The following SLC1A1 variants were observed in gnomAD, a reference collection of about 807,000 sequenced individuals.
SLC1A1 encodes the protein solute carrier family 1 member 1.
A neutral mutation model predicts 53.3 loss-of-function variants in SLC1A1; 43 were observed. That is an observed-to-expected ratio of 0.81 (90% confidence interval 0.63 to 1.04). SLC1A1 has a LOEUF of 1.04. Ranked by LOEUF, SLC1A1 falls within the 50% of genes least tolerant of loss-of-function variation. The probability of loss-of-function intolerance (pLI) is 0.00; values close to 1 mark genes in which losing one functional copy is unlikely to be tolerated. For synonymous variants in SLC1A1, 307 were observed against 243.2 expected (o/e 1.26, Z -2.44); for missense variants, 748 against 664.9 (o/e 1.12, Z -1.37).
chr9:4,539,155 G>C (rs560064749), intron 1 of SLC1A1, among the ~76,000 whole-genome samples: 1 of 152,072 alleles, frequency 6.6e-6, no homozygotes. Flanking sequence ...CCCAAAAGAA[G>C]AACAATGCTG....
intron 1 of SLC1A1, among the ~76,000 whole-genome samples, chr9:4,540,487 T>C (rs1816910840): frequency 6.6e-6 from 1 of 152,154 alleles, no homozygotes; most frequent in South Asian, 2.1e-4. Flanking sequence ...CGTCCGTGGA[T>C]GGCAAAAGCT....
rs187273289 is a variant in SLC1A1 at position 4,528,310 on chromosome 9, T to C, written c.92-16257T>C. Among the ~76,000 whole-genome samples, 169 of 152,286 alleles carry C rather than the reference T, an allele frequency of 1.1e-3. 4 individuals carry two copies. Among genetic ancestry groups the C allele is most frequent in the East Asian group, 6.4e-3 (33 of 5,150 alleles). On this transcript the variant is annotated intron_variant, in intron 1 of 11. Transcript: ENST00000262352. ...GTTAGGAGGTGGGCACAGTGGCTCA[T>C]GCCTGTAATCCCAGCACTTTGGGAG...
intron 1 of SLC1A1, among the ~76,000 whole-genome samples, chr9:4,499,106 A>T (rs1365083307): frequency 6.8e-6 from 1 of 147,864 alleles, no homozygotes; most frequent in Non-Finnish European, 1.5e-5. Flanking sequence ...GTGCAGTGGC[A>T]CGATCTTGGC....
At chr9:4,576,864 C>T (rs1265129391) in intron 10 of SLC1A1, 101 bp downstream of exon 10, 2 of 1,061,236 alleles carry the variant, frequency 1.9e-6, no homozygotes, top group East Asian at 2.4e-5. Flanking sequence ...GTGATGAATT[C>T]TTTTTCTTGA....
chr9:4,564,804 A>G (rs918451602), intron 4 of SLC1A1, among the ~76,000 whole-genome samples: 2 of 152,236 alleles, frequency 1.3e-5, no homozygotes, highest in African/African-American at 4.8e-5. Context: ...TCTTATCTAA[A>G]GCAACCAGAG....
chr9:4,531,668 C>T (rs1223630664), intron 1 of SLC1A1, among the ~76,000 whole-genome samples: 2 of 152,170 alleles, frequency 1.3e-5, no homozygotes, highest in African/African-American at 2.4e-5. Context: ...GAATCCTCTG[C>T]AGACTTAAAT....
chr9:4,563,154 A>G (rs1819137577), intron 3 of SLC1A1, among the ~76,000 whole-genome samples: 1 of 151,784 alleles, frequency 6.6e-6, no homozygotes, highest in African/African-American at 2.4e-5. Context: ...GAGAAAAAAA[A>G]AAAAGAAGAA....
intron 10 of SLC1A1, among the ~76,000 whole-genome samples, chr9:4,582,083 TGTAGG>T (rs1821149889): frequency 6.6e-6 from 1 of 152,236 alleles, no homozygotes; most frequent in Non-Finnish European, 1.5e-5. Context: ...CAGAAAGCAC[TGTAGG>T]TGTGGCCTCC....
intron 1 of SLC1A1, among the ~76,000 whole-genome samples, chr9:4,528,292 G>T (rs1816336013): frequency 6.6e-6 from 1 of 152,194 alleles, no homozygotes; most frequent in Admixed American, 6.5e-5. Context: ...CAAGTTAGGA[G>T]GTGGGCACAG....
At chr9:4,524,453 A>T (rs1816190705) in intron 1 of SLC1A1, among the ~76,000 whole-genome samples, 1 of 152,232 alleles carries the variant, frequency 6.6e-6, no homozygotes, top group Non-Finnish European at 1.5e-5. Context: ...TTGTGCCAGA[A>T]ATAAAAAGGG....
At chr9:4,534,616 C>T (rs1392883393) in intron 1 of SLC1A1, among the ~76,000 whole-genome samples, 23 of 151,932 alleles carry the variant, frequency 1.5e-4, no homozygotes, top group Non-Finnish European at 2.6e-4. Flanking sequence ...GATTCACAGC[C>T]GAATTCTACC....
In SLC1A1 at chr9:4,544,703, T is replaced by A; in HGVS notation, c.228T>A (p.Ile76=). The A allele has an allele frequency of 6.2e-7, 1 of 1,612,702 alleles. No individual in the cohort carries two copies. Among genetic ancestry groups the A allele is most frequent in the Non-Finnish European group, 8.5e-7 (1 of 1,178,866 alleles). Residue 76 remains isoleucine (I), a synonymous_variant, in exon 2 of 12, where the codon ATT becomes ATA. Transcript: ENST00000262352. Reference sequence around the variant, plus strand: ...TGCCATTAATTATATCCAGCATGATTACAGGTACCTTGAGAAAACAGATGT... The same window carrying A: ...TGCCATTAATTATATCCAGCATGATAACAGGTACCTTGAGAAAACAGATGT... The part of the protein sequence containing the change: ...IILPLIISSM[I]TGVAALDSNV...
At chr9:4,543,849 A>T (rs1365920644) in intron 1 of SLC1A1, among the ~76,000 whole-genome samples, 10 of 152,194 alleles carry the variant, frequency 6.6e-5, no homozygotes, top group Admixed American at 3.3e-4. Flanking sequence ...TATAATAAAA[A>T]TATGAGAAAA....
intron 2 of SLC1A1, among the ~76,000 whole-genome samples, chr9:4,547,903 C>T (rs1371319174): frequency 1.3e-5 from 2 of 151,574 alleles, no homozygotes; most frequent in African/African-American, 4.9e-5. Context: ...ATTCCCAATA[C>T]AGTATAAAGT....
intron 1 of SLC1A1, among the ~76,000 whole-genome samples, chr9:4,496,374 T>A (rs963426624): frequency 3.9e-5 from 6 of 151,904 alleles, no homozygotes; most frequent in Non-Finnish European, 7.4e-5. Context: ...ACGTTTAAGA[T>A]CCAGAGAGTA....
chr9:4,527,752 C>G (rs7022369), intron 1 of SLC1A1, among the ~76,000 whole-genome samples: 67,881 of 151,792 alleles, frequency 0.45, 15,871 homozygotes, highest in Non-Finnish European at 0.51. Flanking sequence ...AGACCATTTT[C>G]TTACCGTTTT....
chr9:4,577,413 G>A (rs1820658157), intron 10 of SLC1A1, among the ~76,000 whole-genome samples: 1 of 152,198 alleles, frequency 6.6e-6, no homozygotes, highest in Non-Finnish European at 1.5e-5. Flanking sequence ...GAAAGGTTTT[G>A]TACGAAGAGC....
At chr9:4,570,464 TGG>T (rs1819925173) in intron 6 of SLC1A1, among the ~76,000 whole-genome samples, 1 of 114,746 alleles carries the variant, frequency 8.7e-6, no homozygotes, top group South Asian at 2.8e-4. Context: ...CTCCGCCTCC[TGG>T]GTTCAAGCAA....
chr9:4,574,122 G>C (rs1172951519), intron 8 of SLC1A1, 108 bp downstream of exon 8: 2 of 780,522 alleles, frequency 2.6e-6, no homozygotes, highest in Non-Finnish European at 4.6e-6. Context: ...CTATGTGCTG[G>C]GAAAGATAGG....
Sources: allele counts gnomAD v4.1 joint callset (sites outside exome capture counted in the v4.1 genomes callset), GRCh38; gene constraint gnomAD v4.1.1; transcripts MANE v1.5; gene names NCBI Gene and HGNC (gene_info 2026-07-23, HGNC 2026-07-21).